The following SEZ6L variants were observed in gnomAD, a reference collection of about 807,000 sequenced individuals.
The protein encoded by SEZ6L is seizure related 6 homolog like.
Under a neutral mutation model 106.2 loss-of-function variants are expected in SEZ6L, and 37 were observed. The ratio of observed to expected loss-of-function variants is 0.35; its 90% CI spans 0.27 to 0.46. The LOEUF (loss-of-function observed/expected upper bound fraction) is 0.46, where lower values mean the gene tolerates loss of function less well. Among genes scored for constraint, SEZ6L ranks in the 20% least tolerant of loss-of-function variants. The pLI is 1.00. For synonymous variants in SEZ6L, 541 were observed against 570.4 expected (o/e 0.95, Z 0.73); for missense variants, 1,172 against 1,332.8 (o/e 0.88, Z 1.88).
At chr22:26,342,539 A>AG (rs940592944) in intron 10 of SEZ6L, among the ~76,000 whole-genome samples, 1 of 151,430 alleles carries the variant, frequency 6.6e-6, no homozygotes, top group African/African-American at 2.4e-5. Context: ...AATACAAAAA[A>AG]AAAAACATTA....
At chr22:26,218,758 G>T (rs1159133877) in intron 1 of SEZ6L, among the ~76,000 whole-genome samples, 1 of 152,132 alleles carries the variant, frequency 6.6e-6, no homozygotes, top group Non-Finnish European at 1.5e-5. Flanking sequence ...CCAACATGGT[G>T]AAACTCTGTC....
chr22:26,357,191 C>T (rs1260147791), intron 12 of SEZ6L, among the ~76,000 whole-genome samples: 1 of 152,102 alleles, frequency 6.6e-6, no homozygotes, highest in African/African-American at 2.4e-5. Flanking sequence ...GTGATCCACC[C>T]GCCTTGACCT....
At chr22:26,348,011 A>G (rs2083067837) in intron 11 of SEZ6L, 98 bp downstream of exon 11, 1 of 912,392 alleles carries the variant, frequency 1.1e-6, no homozygotes, top group Non-Finnish European at 1.6e-6. Flanking sequence ...TTAATGTAGA[A>G]TCTGGACTCC....
chr22:26,178,040 A>C (rs912094341), intron 1 of SEZ6L, among the ~76,000 whole-genome samples: 2 of 152,090 alleles, frequency 1.3e-5, no homozygotes, highest in African/African-American at 2.4e-5. Flanking sequence ...TATCCCTCTC[A>C]AGTTTATGTC....
At chr22:26,194,779 A>G (rs1327455150) in intron 1 of SEZ6L, among the ~76,000 whole-genome samples, 1 of 152,162 alleles carries the variant, frequency 6.6e-6, no homozygotes, top group East Asian at 1.9e-4. Context: ...CTGTCTCCTC[A>G]CCTGTCAAAT....
At chr22:26,374,256 ATT>A (rs981274834) in intron 14 of SEZ6L, among the ~76,000 whole-genome samples, 1 of 142,984 alleles carries the variant, frequency 7.0e-6, no homozygotes, top group Non-Finnish European at 1.5e-5. Flanking sequence ...ACTGTAATAT[ATT>A]GTTTCTTTTT....
At position 26,356,733 on chromosome 22, in the gene SEZ6L, G is replaced by C. The variant is rs545219958; in HGVS notation, c.2599+5490G>C. Among the ~76,000 whole-genome samples the C allele has an allele frequency of 7.2e-5, 11 of 151,834 alleles. No homozygotes were observed. The South Asian group carries it at 2.3e-3, about 32-fold the overall frequency. ...CGAGGATGTGTATACCCGTTGGGCTGTGCAAATCTTCTTAAACGTTAGGAT... is the reference window on the plus strand; with the variant it reads ...CGAGGATGTGTATACCCGTTGGGCTCTGCAAATCTTCTTAAACGTTAGGAT... On this transcript the variant is annotated intron_variant, in intron 12 of 16. Transcript: ENST00000248933.
At chr22:26,231,644 G>T (rs1177010635) in intron 1 of SEZ6L, among the ~76,000 whole-genome samples, 1 of 152,108 alleles carries the variant, frequency 6.6e-6, no homozygotes, top group Non-Finnish European at 1.5e-5. Context: ...TCTTCCTTTG[G>T]TGCTGCCTTC....
intron 2 of SEZ6L, among the ~76,000 whole-genome samples, chr22:26,293,770 C>G (rs1469218265): frequency 1.3e-5 from 2 of 152,222 alleles, no homozygotes; most frequent in South Asian, 2.1e-4. Context: ...AAGCCACTAG[C>G]CTTTTCAAAG....
rs1938428105 is a variant in SEZ6L, at chr22:26,169,631, C to A, written c.-39C>A. On this transcript the variant is annotated 5_prime_UTR_variant, in exon 1 of 17. Transcript: ENST00000248933. ...TTCCCCAGCTCCCTCGCCGTCCGCCCGCCCCACAGCCAGCGGCTCCGCGCC... is the reference window on the plus strand; with the variant it reads ...TTCCCCAGCTCCCTCGCCGTCCGCCAGCCCCACAGCCAGCGGCTCCGCGCC... 2 of 798,176 alleles carry A rather than the reference C, an allele frequency of 2.5e-6. No individual in the cohort carries two copies. Among genetic ancestry groups the A allele is most frequent in the South Asian group, 2.7e-5 (1 of 36,688 alleles). 49.4% of individuals were successfully genotyped at this position (798,176 alleles called of 1,614,324 possible). A position where few individuals can be genotyped will look rare whatever the true frequency, so the allele number is the denominator to read the frequency against.
At chr22:26,195,453 C>G (rs1940512549) in intron 1 of SEZ6L, among the ~76,000 whole-genome samples, 1 of 152,114 alleles carries the variant, frequency 6.6e-6, no homozygotes, top group Non-Finnish European at 1.5e-5. Context: ...TCATGCCTGT[C>G]TCATTAGGTT....
Position 26,377,892 on chromosome 22 carries a change from G to C in SEZ6L, c.3045+117G>C, listed in dbSNP as rs111289518. 283 of 760,122 alleles carry C rather than the reference G, an allele frequency of 3.7e-4. 3 individuals are homozygous for C. The African/African-American group carries it at 4.0e-3, about 11-fold the overall frequency. The allele number at this position is 760,122 out of a possible 1,614,324, so 47.1% of individuals were successfully genotyped here. A position where few individuals can be genotyped will look rare whatever the true frequency, so the allele number is the denominator to read the frequency against. ...CACAAGAGGCACAGCCAGTGGTCCT[G>C]TCTTATCCCCACCAAGAGCCCTAAA... is the stretch of plus-strand genomic sequence containing the variant. On this transcript the variant is annotated intron_variant, in intron 16 of 16. Transcript: ENST00000248933.
intron 9 of SEZ6L, among the ~76,000 whole-genome samples, chr22:26,331,581 A>C (rs2082482028): frequency 6.6e-6 from 1 of 152,240 alleles, no homozygotes; most frequent in Non-Finnish European, 1.5e-5. Context: ...ATTAACACTG[A>C]TTTTATTGCA....
intron 1 of SEZ6L, among the ~76,000 whole-genome samples, chr22:26,174,476 G>C (rs923695685): frequency 6.6e-6 from 1 of 152,132 alleles, no homozygotes; most frequent in Non-Finnish European, 1.5e-5. Flanking sequence ...TGAACTTCAC[G>C]GGCTGGGTAG....
chr22:26,254,303 A>G (rs994178123), intron 1 of SEZ6L, among the ~76,000 whole-genome samples: 21 of 152,154 alleles, frequency 1.4e-4, no homozygotes, highest in Admixed American at 5.9e-4. Context: ...TGTATACACA[A>G]AGATGCTCAT....
chr22:26,258,691 A>G (rs1219999922), intron 1 of SEZ6L, among the ~76,000 whole-genome samples: 2 of 152,222 alleles, frequency 1.3e-5, no homozygotes, highest in African/African-American at 2.4e-5. Flanking sequence ...ACTATGTTGT[A>G]TATCATATCT....
intron 10 of SEZ6L, among the ~76,000 whole-genome samples, chr22:26,345,386 G>A (rs955816073): frequency 1.3e-5 from 2 of 152,210 alleles, no homozygotes; most frequent in East Asian, 1.9e-4. Flanking sequence ...CCACGGGAGC[G>A]TGCAGCCATG....
intron 1 of SEZ6L, among the ~76,000 whole-genome samples, chr22:26,219,891 A>G (rs561285671): frequency 5.9e-5 from 9 of 152,198 alleles, no homozygotes; most frequent in Non-Finnish European, 1.3e-4. Context: ...ACAAACCACC[A>G]TGGGACACGT....
chr22:26,189,120 G>C (rs771899186), intron 1 of SEZ6L, among the ~76,000 whole-genome samples: 5 of 152,038 alleles, frequency 3.3e-5, no homozygotes, highest in Non-Finnish European at 7.4e-5. Context: ...ACAGAAACTT[G>C]TCAATAGTCA....
Sources: gnomAD v4.1 joint callset for allele counts (sites outside exome capture counted in the v4.1 genomes callset) on GRCh38, gnomAD v4.1.1 for gene constraint, MANE v1.5 for transcripts, NCBI Gene and HGNC (gene_info 2026-07-23, HGNC 2026-07-21) for gene names.